Variants in WDFY4 observed in about 807,000 individuals in gnomAD.
The protein encoded by WDFY4 is WDFY family member 4.
WDFY4 carries 169 observed loss-of-function variants against 351.9 expected under a neutral mutation model. That is an observed-to-expected ratio of 0.48 (90% CI 0.42 to 0.55). WDFY4 has a LOEUF of 0.55. Among genes scored for constraint, WDFY4 ranks in the 20% least tolerant of loss-of-function variants. The pLI, the probability that WDFY4 is intolerant of heterozygous loss-of-function variation, is 0.00. For synonymous variants in WDFY4, 1,622 were observed against 1,574.6 expected, an observed-to-expected ratio of 1.03 and a Z score of -0.71; for missense variants, 3,803 against 3,935.6, an observed-to-expected ratio of 0.97 and a Z score of 0.90.
intron 12 of WDFY4, among the ~76,000 whole-genome samples, chr10:48,756,641 A>G (rs2065346362): frequency 6.6e-6 from 1 of 152,052 alleles, no homozygotes; most frequent in Non-Finnish European, 1.5e-5. Flanking sequence ...AATTCCTTTG[A>G]ATTTACTGAG....
chr10:48,896,522 C>A (rs184510816), intron 44 of WDFY4, among the ~76,000 whole-genome samples: 84 of 152,336 alleles, frequency 5.5e-4, no homozygotes, highest in Non-Finnish European at 1.3e-4. Flanking sequence ...TCACTCACCT[C>A]TGAAGAGACC....
At chr10:48,786,598 A>C (rs2066412778) in intron 19 of WDFY4, 41 bp from the exon 20 acceptor site, 1 of 1,443,052 alleles carries the variant, frequency 6.9e-7, no homozygotes, top group African/African-American at 1.4e-5. Context: ...ATTAACTCTG[A>C]GATCAAACAC....
At chr10:48,904,693 T>A (rs1245964374) in intron 47 of WDFY4, among the ~76,000 whole-genome samples, 1 of 151,936 alleles carries the variant, frequency 6.6e-6, no homozygotes, top group Non-Finnish European at 1.5e-5. Context: ...ACATGCTCTA[T>A]CCCGGTAACT....
rs567779957 is a variant in WDFY4 at position 48,816,743 on chromosome 10, C to T, written c.5341-502C>T. Among the ~76,000 whole-genome samples, 28 of 152,228 alleles carry T rather than the reference C, an allele frequency of 1.8e-4. No individual in the cohort carries two copies. The South Asian group carries it at 5.6e-3, about 30-fold the overall frequency. ...AGAGAAGTAAAAATATAAGACCAAA[C>T]ATGTATGTCATAACAGCAAACATAA... On this transcript the variant is annotated intron_variant, in intron 31 of 61. Coordinates refer to ENST00000325239, the MANE Select transcript of WDFY4 (RefSeq NM_001394531.1).
intron 39 of WDFY4, among the ~76,000 whole-genome samples, chr10:48,847,089 C>T (rs1381757811): frequency 1.3e-5 from 2 of 152,152 alleles, no homozygotes; most frequent in Non-Finnish European, 2.9e-5. Context: ...AAACTACAGA[C>T]ATTTATTGTC....
intron 14 of WDFY4, 66 bp from the exon 15 acceptor site, chr10:48,775,646 A>T (rs2132624801): frequency 6.9e-7 from 1 of 1,451,774 alleles, no homozygotes; most frequent in East Asian, 2.5e-5. Flanking sequence ...AGTTGTCAGG[A>T]TAAAGTTGGA....
rs755348022 is a variant in WDFY4 at position 48,941,834 on chromosome 10, C to T, written c.7615C>T (p.Leu2539=). The T allele has an allele frequency of 1.2e-5, 19 of 1,552,234 alleles. No homozygotes were observed. In the Middle Eastern group the frequency reaches 5.0e-4, roughly 41 times the overall value. Residue 2539 remains leucine, a synonymous_variant, in exon 48 of 62, where the codon CTG becomes TTG. Transcript: ENST00000325239. ...RRYPGSDRIM[L]QKWQKRDISN... ...ATACCCCGGCTCTGACAGGATCATG[C>T]TGCAGAAGTGGCAGGTACAGTAGCT...
intron 15 of WDFY4, among the ~76,000 whole-genome samples, chr10:48,776,018 G>A (rs1034333733): frequency 6.6e-6 from 1 of 152,216 alleles, no homozygotes; most frequent in African/African-American, 2.4e-5. Flanking sequence ...CCCCCACCCA[G>A]ACATATAAGA....
At chr10:48,695,611 C>G (rs1303056204) in intron 1 of WDFY4, among the ~76,000 whole-genome samples, 1 of 152,180 alleles carries the variant, frequency 6.6e-6, no homozygotes, top group Admixed American at 6.5e-5. Context: ...TAGATGGTCA[C>G]TTTTCCATGG....
intron 13 of WDFY4, among the ~76,000 whole-genome samples, chr10:48,766,799 AATTTCAACTACTCAG>A (rs1281989517): frequency 6.6e-6 from 1 of 152,108 alleles, no homozygotes; most frequent in Non-Finnish European, 1.5e-5. Context: ...TCTGTATCTC[AATTTCAACTACTCAG>A]ATTTGGCCTG....
rs1589688622 is a variant in WDFY4, at chr10:48,820,999, G to T, written c.5710-63G>T. 4.2e-6 allele frequency: 5 copies of T among 1,186,336 alleles called. No individual in the cohort carries two copies. In the East Asian group the frequency reaches 1.3e-4, roughly 31 times the overall value. 73.5% of individuals were successfully genotyped at this position (1,186,336 alleles called of 1,614,324 possible). ...GTGTCCCAGCCAGGCTAGGGAGGCG[G>T]TGGGCACTGGGTGCACACGATGGCC... On this transcript the variant is annotated intron_variant, in intron 33 of 61. Transcript: ENST00000325239.
chr10:48,702,592 C>T (rs1009525033), intron 1 of WDFY4, among the ~76,000 whole-genome samples: 1 of 152,058 alleles, frequency 6.6e-6, no homozygotes, highest in Non-Finnish European at 1.5e-5. Context: ...GAGAGGGATT[C>T]TGCTGTATGG....
intron 19 of WDFY4, among the ~76,000 whole-genome samples, chr10:48,783,205 T>C (rs1254932447): frequency 6.6e-6 from 1 of 152,188 alleles, no homozygotes; most frequent in African/African-American, 2.4e-5. Flanking sequence ...CTCAAGTCCC[T>C]TAAATAAAAT....
At chr10:48,948,154 T>C (rs1434467984) in intron 51 of WDFY4, among the ~76,000 whole-genome samples, 2 of 152,198 alleles carry the variant, frequency 1.3e-5, no homozygotes, top group Non-Finnish European at 2.9e-5. Flanking sequence ...CGTCCTCCTG[T>C]CTTCCATTAC....
intron 43 of WDFY4, 51 bp from the exon 44 acceptor site, chr10:48,890,528 C>A (rs1184719711): frequency 5.8e-6 from 9 of 1,549,472 alleles, no homozygotes; most frequent in Middle Eastern, 1.7e-4. Context: ...CCCCAAGAAT[C>A]ATGGGCATGC....
intron 53 of WDFY4, 32 bp downstream of exon 53, chr10:48,959,845 T>C: frequency 6.6e-7 from 1 of 1,524,706 alleles, no homozygotes. Flanking sequence ...GGTATCCTGC[T>C]GGGGACCTGA....
rs1246463865 is a variant in WDFY4 at position 48,760,434 on chromosome 10, C to T, written c.2547C>T (p.His849=). 1 of 1,551,652 alleles carries T rather than the reference C, an allele frequency of 6.4e-7. No individual in the cohort carries two copies. Among genetic ancestry groups the T allele is most frequent in the Non-Finnish European group, 8.7e-7 (1 of 1,146,976 alleles). The change falls in exon 13 of 62, where the codon CAC becomes CAT. Residue 849 remains histidine, a synonymous_variant. Transcript: ENST00000325239. ...RLLPRLYHED[H]PQLSEEIQCS... is the part of the protein sequence containing the mutation. ...TGCCTCGGTTGTACCATGAAGATCA[C>T]CCACAGGTACCTGGTGTTGAATATG...
intron 1 of WDFY4, among the ~76,000 whole-genome samples, chr10:48,704,747 G>A (rs1046503140): frequency 6.6e-6 from 1 of 152,212 alleles, no homozygotes; most frequent in Non-Finnish European, 1.5e-5. Context: ...TCTGGTCACC[G>A]ACTGGCGAAG....
rs2066168843 is a variant in WDFY4 at position 48,780,088 on chromosome 10, G to C, written c.3545G>C (p.Cys1182Ser). The change falls in exon 19 of 62, where the codon TGT becomes TCT. Residue 1182 changes from cysteine to serine, a missense_variant. Physicochemically the swap from Cys to Ser is moderately radical, Grantham distance 112. Transcript: ENST00000325239. ...AAAAGGCATTGTACAGTTTCCACCT[G>C]TCTGGATGGACAGGTCATTGGCTCT... ...EMKRHCTVST[C>S]LDGQVIGSAK... The C allele has an allele frequency of 1.3e-6, 2 of 1,551,950 alleles. No individual in the cohort carries two copies. The highest frequency in any genetic ancestry group is 2.4e-5 in the South Asian group (2 of 84,072).
Sources: gnomAD v4.1 joint callset for allele counts (sites outside exome capture counted in the v4.1 genomes callset) on GRCh38, gnomAD v4.1.1 for gene constraint, MANE v1.5 for transcripts, NCBI Gene and HGNC (gene_info 2026-07-23, HGNC 2026-07-21) for gene names.